PCDH9: variants seen among roughly 807,000 people sequenced by gnomAD.
PCDH9 encodes protocadherin-9.
In PCDH9, 24 loss-of-function variants were observed where a neutral mutation model predicts 70.6. The observed-to-expected ratio is 0.34, with a 90% CI of 0.25 to 0.48. The LOEUF (loss-of-function observed/expected upper bound fraction) is 0.48. Ranked by LOEUF, PCDH9 falls within the 20% of genes least tolerant of loss-of-function variation. The pLI, the probability that PCDH9 is intolerant of heterozygous loss-of-function variation, is 0.99. For synonymous variants in PCDH9, 562 were observed against 558.5 expected (o/e 1.01, Z -0.09); for missense variants, 1,281 against 1,503.6 (o/e 0.85, Z 2.45).
chr13:66,453,458 G>A (rs1307851716), intron 4 of PCDH9, among the ~76,000 whole-genome samples: 1 of 152,034 alleles, frequency 6.6e-6, no homozygotes, highest in Non-Finnish European at 1.5e-5. Flanking sequence ...CTTTTTGCAG[G>A]TCCCCAGCAC....
chr13:66,795,022 AAGG>A (rs2080220097), intron 3 of PCDH9, among the ~76,000 whole-genome samples: 2 of 148,628 alleles, frequency 1.3e-5, no homozygotes, highest in Admixed American at 1.4e-4. Context: ...TAAGAATGAA[AAGG>A]AGGAGATTGT....
At chr13:66,659,438 A>C (rs1462047844) in intron 3 of PCDH9, among the ~76,000 whole-genome samples, 1 of 152,158 alleles carries the variant, frequency 6.6e-6, no homozygotes, top group Admixed American at 6.5e-5. Context: ...CCAGTGCTCC[A>C]AGTCAGAATG....
chr13:66,353,175 C>T (rs1354296722), intron 4 of PCDH9, among the ~76,000 whole-genome samples: 2 of 152,162 alleles, frequency 1.3e-5, no homozygotes, highest in African/African-American at 2.4e-5. Context: ...CCTTAAAATA[C>T]ATTTTTCCAG....
intron 2 of PCDH9, among the ~76,000 whole-genome samples, chr13:67,006,616 A>G (rs1262069041): frequency 1.3e-5 from 2 of 152,212 alleles, no homozygotes; most frequent in Non-Finnish European, 2.9e-5. Context: ...TGGCGAAGGG[A>G]TATATTAAAA....
At chr13:66,971,409 A>G (rs2083519934) in intron 2 of PCDH9, among the ~76,000 whole-genome samples, 1 of 152,066 alleles carries the variant, frequency 6.6e-6, no homozygotes, top group African/African-American at 2.4e-5. Context: ...TCCCTTTTTT[A>G]AAAATCGCAT....
intron 2 of PCDH9, among the ~76,000 whole-genome samples, chr13:67,189,914 G>C (rs1440751769): frequency 1.3e-5 from 2 of 151,882 alleles, no homozygotes; most frequent in Non-Finnish European, 2.9e-5. Context: ...ATAAATACAA[G>C]TAGTGAATGC....
intron 2 of PCDH9, among the ~76,000 whole-genome samples, chr13:66,945,646 C>T (rs74093678): frequency 0.025 from 3,859 of 152,128 alleles, 156 homozygotes; most frequent in African/African-American, 0.087. Flanking sequence ...ATTGTTAAGA[C>T]GCAGCCATGC....
chr13:66,783,480 G>T (rs1391911110), intron 3 of PCDH9, among the ~76,000 whole-genome samples: 3 of 151,930 alleles, frequency 2.0e-5, no homozygotes, highest in Non-Finnish European at 4.4e-5. Flanking sequence ...TGTGAAGGCA[G>T]GTATATTCTG....
At chr13:66,487,785 C>A (rs1476942803) in intron 4 of PCDH9, among the ~76,000 whole-genome samples, 1 of 152,122 alleles carries the variant, frequency 6.6e-6, no homozygotes, top group Non-Finnish European at 1.5e-5. Context: ...CCACTTTTTA[C>A]TTTTCCTGAG....
At chr13:66,794,976 G>GGCGC (rs888107016) in intron 3 of PCDH9, among the ~76,000 whole-genome samples, 4 of 21,938 alleles carry the variant, frequency 1.8e-4, no homozygotes, top group African/African-American at 2.5e-4. Context: ...GACACACACA[G>GGCGC]GCACACACAC....
chr13:66,468,671 G>C (rs1386916664), intron 4 of PCDH9, among the ~76,000 whole-genome samples: 1 of 152,044 alleles, frequency 6.6e-6, no homozygotes, highest in African/African-American at 2.4e-5. Flanking sequence ...ATAAAACCTG[G>C]ATGATAACAT....
At chr13:66,420,144 C>A (rs1957538339) in intron 4 of PCDH9, among the ~76,000 whole-genome samples, 1 of 152,176 alleles carries the variant, frequency 6.6e-6, no homozygotes, top group South Asian at 2.1e-4. Context: ...CTGGCCAGGG[C>A]ATCTCTGAAA....
intron 2 of PCDH9, among the ~76,000 whole-genome samples, chr13:67,064,870 G>A (rs1305017495): frequency 6.6e-6 from 1 of 151,508 alleles, no homozygotes; most frequent in Non-Finnish European, 1.5e-5. Flanking sequence ...CTGTGTATGT[G>A]TGTGTATCTG....
At chr13:66,608,755 G>A (rs753172288) in intron 4 of PCDH9, among the ~76,000 whole-genome samples, 4 of 150,882 alleles carry the variant, frequency 2.7e-5, no homozygotes, top group Non-Finnish European at 5.9e-5. Context: ...ACCACAGGAC[G>A]AAAAAAAATA....
At chr13:67,043,822 A>C (rs1209059074) in intron 2 of PCDH9, among the ~76,000 whole-genome samples, 2 of 152,186 alleles carry the variant, frequency 1.3e-5, no homozygotes, top group African/African-American at 4.8e-5. Flanking sequence ...AATCATGATT[A>C]AATATACATA....
At chr13:66,632,951 A>C (rs964329129) in intron 3 of PCDH9, among the ~76,000 whole-genome samples, 1 of 152,158 alleles carries the variant, frequency 6.6e-6, no homozygotes, top group African/African-American at 2.4e-5. Flanking sequence ...CAATTTATAG[A>C]TTGTATCCAT....
chr13:66,492,275 G>T (rs903546647), intron 4 of PCDH9, among the ~76,000 whole-genome samples: 2 of 151,704 alleles, frequency 1.3e-5, no homozygotes, highest in Non-Finnish European at 2.9e-5. Context: ...AGATAATAAG[G>T]TTCCTGAGTC....
Position 66,445,530 on chromosome 13 carries a change from A to G in PCDH9, c.3341-140502T>C, listed in dbSNP as rs185473468. Among the ~76,000 whole-genome samples, 301 of 143,504 alleles carry G rather than the reference A, an allele frequency of 2.1e-3. 5 individuals carry two copies. Among genetic ancestry groups the G allele is most frequent in the African/African-American group, 7.5e-3 (289 of 38,764 alleles). 94.1% of individuals were successfully genotyped at this position (143,504 alleles called of 152,430 possible). On this transcript the variant is annotated intron_variant, in intron 4 of 4. Coordinates refer to ENST00000377865, the MANE Select transcript of PCDH9 (RefSeq NM_203487.3). ...ATATACACACATATATAATATATAC[A>G]CATATATATTATATATACACATATA...
chr13:66,893,610 G>A (rs539963234), intron 3 of PCDH9, among the ~76,000 whole-genome samples: 1 of 152,148 alleles, frequency 6.6e-6, no homozygotes, highest in African/African-American at 2.4e-5. Flanking sequence ...TTTGTCAGTG[G>A]TTTTCAAACT....
Sources: gnomAD v4.1 joint callset for allele counts (sites outside exome capture counted in the v4.1 genomes callset) on GRCh38, gnomAD v4.1.1 for gene constraint, MANE v1.5 for transcripts, NCBI Gene and HGNC (gene_info 2026-07-23, HGNC 2026-07-21) for gene names.